The following TTC21B variants were observed in gnomAD, a reference collection of about 807,000 sequenced individuals.
TTC21B encodes tetratricopeptide repeat protein 21B.
A neutral mutation model predicts 175.1 loss-of-function variants in TTC21B; 127 were observed. The observed-to-expected ratio is 0.73, with a 90% CI of 0.63 to 0.84. The LOEUF (loss-of-function observed/expected upper bound fraction) is 0.84, where lower values mean the gene tolerates loss of function less well. TTC21B is among the 40% of genes least tolerant of loss of function. The pLI, the probability that TTC21B is intolerant of heterozygous loss-of-function variation, is 0.00. For missense variants in TTC21B, 1,561 were observed against 1,558.3 expected, an observed-to-expected ratio of 1.00 and a Z score of -0.03; for synonymous variants, 524 against 524.5, an observed-to-expected ratio of 1.00 and a Z score of 0.01.
intron 25 of TTC21B, 136 bp from the exon 26 acceptor site, chr2:165,884,154 C>G: frequency 1.3e-6 from 1 of 762,496 alleles, no homozygotes; most frequent in South Asian, 1.5e-5. Context: ...ACTGTGATTA[C>G]AGGTCATTAT....
At chr2:165,948,663 C>T (rs1005853416) in intron 3 of TTC21B, 1 of 152,182 alleles carries the variant, frequency 6.6e-6, no homozygotes, top group African/African-American at 2.4e-5. Flanking sequence ...AATTTGGATA[C>T]TCTTCTGCCT....
chr2:165,915,695 T>C (rs1188720510), intron 14 of TTC21B, among the ~76,000 whole-genome samples: 2 of 152,164 alleles, frequency 1.3e-5, no homozygotes, highest in Non-Finnish European at 2.9e-5. Flanking sequence ...AGAGGGTCAC[T>C]GCTACTATAT....
In TTC21B at chr2:165,911,326, C is replaced by G; in HGVS notation, c.2461+1G>C. The stretch of plus-strand genomic sequence containing the variant: ...TTTTCAAACCAGAAAGACTTTCATA[C>G]CAGGTTCATGAGCCAGAGCATGCTG... On this transcript the variant is annotated splice_donor_variant, in intron 18 of 28. Transcript: ENST00000243344. LOFTEE classifies it high-confidence loss of function. 1.9e-6 allele frequency: 3 copies of G among 1,613,736 alleles called. No homozygotes were observed. The highest frequency in any genetic ancestry group is 2.5e-6 in the Non-Finnish European group (3 of 1,179,836).
intron 7 of TTC21B, among the ~76,000 whole-genome samples, 177 bp from the exon 8 acceptor site, chr2:165,932,033 C>A (rs1161687256): frequency 1.3e-5 from 2 of 152,082 alleles, no homozygotes; most frequent in Non-Finnish European, 2.9e-5. Context: ...AAGATTCTAA[C>A]AAACTCAATA....
In TTC21B at chr2:165,949,641, A is replaced by T. The variant is rs750039189; in HGVS notation, c.105T>A (p.Ser35Arg). The change falls in exon 2 of 29, where the codon AGT (serine) becomes AGA (arginine). Residue 35 changes from serine to arginine, a missense_variant. Physicochemically the swap from Ser to Arg is moderately radical, Grantham distance 110. Transcript: ENST00000243344. Reference sequence around the variant, plus strand: ...CATGATAAAACCTGAAGACTGGATCACTTCCATACCTCTTAATTCCTTCAC... The same window carrying T: ...CATGATAAAACCTGAAGACTGGATCTCTTCCATACCTCTTAATTCCTTCAC... Reference protein sequence around the residue: ...VASEGIKRYGSDPVFRFYHAY... With the variant: ...VASEGIKRYGRDPVFRFYHAY... 3 of 1,613,652 alleles carry T rather than the reference A, an allele frequency of 1.9e-6. No homozygotes were observed. The highest frequency in any genetic ancestry group is 2.5e-6 in the Non-Finnish European group (3 of 1,179,860).
intron 1 of TTC21B, among the ~76,000 whole-genome samples, chr2:165,950,758 C>A (rs989400984): frequency 6.6e-6 from 1 of 152,164 alleles, no homozygotes; most frequent in African/African-American, 2.4e-5. Flanking sequence ...TAGGCACACC[C>A]CACCGCACCT....
At position 165,929,173 on chromosome 2, in the gene TTC21B, C is replaced by G. The variant is rs748120246; in HGVS notation, c.1348G>C (p.Glu450Gln). The G allele has an allele frequency of 1.9e-6, 3 of 1,612,814 alleles. No homozygotes were observed. Among genetic ancestry groups the G allele is most frequent in the Non-Finnish European group, 2.5e-6 (3 of 1,179,270 alleles). Reference sequence around the variant, plus strand: ...AAGCTCAGATACTCCATAACAATTTCTAACAAGAAATCAGGATTTAGCTTT... The same window carrying G: ...AAGCTCAGATACTCCATAACAATTTGTAACAAGAAATCAGGATTTAGCTTT... ...FEKLNPDFLL[E>Q]IVMEYLSFCP... Residue 450 changes from glutamate (E) to glutamine (Q), a missense_variant, in exon 11 of 29, where the codon GAA (glutamate) becomes CAA (glutamine). Glu to Gln is a conservative substitution (Grantham distance 29, BLOSUM62 2). Coordinates refer to ENST00000243344, the MANE Select transcript of TTC21B (RefSeq NM_024753.5).
chr2:165,888,563 T>G lies in TTC21B; in HGVS notation c.3264-89A>C, dbSNP rs1685085723. ...AATCAGCTTTTGTACACAAAAGCTCTGGGCACTCTTTTATACTCTTTTTGT... is the reference window on the plus strand; with the variant it reads ...AATCAGCTTTTGTACACAAAAGCTCGGGGCACTCTTTTATACTCTTTTTGT... On this transcript the variant is annotated intron_variant, in intron 24 of 28. Coordinates refer to ENST00000243344, the MANE Select transcript of TTC21B (RefSeq NM_024753.5). 21 of 1,000,344 alleles carry G rather than the reference T, an allele frequency of 2.1e-5. No individual in the cohort carries two copies. In the South Asian group the frequency reaches 2.8e-4, roughly 13 times the overall value. The allele number at this position is 1,000,344 out of a possible 1,614,324, so 62.0% of individuals were successfully genotyped here.
intron 8 of TTC21B, 123 bp from the exon 9 acceptor site, chr2:165,930,487 T>A (rs1686848192): frequency 4.7e-6 from 3 of 642,466 alleles, no homozygotes; most frequent in Non-Finnish European, 7.2e-6. Flanking sequence ...AAGAAAAAAA[T>A]TAATAATTAA....
At position 165,930,258 on chromosome 2, in the gene TTC21B, A is replaced by G; in HGVS notation, c.1001T>C (p.Met334Thr). 6.2e-7 allele frequency: 1 copy of G among 1,613,324 alleles called. No homozygotes were observed. The highest frequency in any genetic ancestry group is 8.5e-7 in the Non-Finnish European group (1 of 1,179,484). ...SEFATELGYQMILQGRVKEAL... is the reference protein window; with the variant it reads ...SEFATELGYQTILQGRVKEAL... ...CTCTTTAACTCTTCCTTGTAAAATC[A>G]TTTGGTATCCAAGTTCTGTAGCAAA... Residue 334 changes from methionine to threonine, a missense_variant, in exon 9 of 29, where the codon ATG becomes ACG. Transcript: ENST00000243344.
Position 165,873,982 on chromosome 2 carries a change from A to AAT in TTC21B, c.*771_*772dup, listed in dbSNP as rs1684589296. The AAT allele has an allele frequency of 6.6e-6, 1 of 151,832 alleles. No homozygotes were observed. 9.4% of individuals were successfully genotyped at this position (151,832 alleles called of 1,614,324 possible). A position where few individuals can be genotyped will look rare whatever the true frequency, so the allele number is the denominator to read the frequency against. The stretch of plus-strand genomic sequence containing the variant: ...AACCTTTATTAAAATATATATTTAA[A>AAT]ATATATATATTGTCTTTTTCATGAG... On this transcript the variant is annotated 3_prime_UTR_variant, in exon 29 of 29. Coordinates refer to ENST00000243344, the MANE Select transcript of TTC21B (RefSeq NM_024753.5).
intron 10 of TTC21B, 150 bp downstream of exon 10, chr2:165,929,498 TTA>T: frequency 1.1e-6 from 1 of 904,378 alleles, no homozygotes; most frequent in Non-Finnish European, 1.7e-6. Flanking sequence ...AGAATAAAGT[TTA>T]GTTTTGAATG....
intron 11 of TTC21B, among the ~76,000 whole-genome samples, chr2:165,927,354 ATTT>A (rs1257247257): frequency 7.7e-4 from 71 of 92,150 alleles, no homozygotes; most frequent in African/African-American, 2.6e-3. Flanking sequence ...TATATAATAT[ATTT>A]TATATATATA....
chr2:165,885,913 T>G (rs1280948147), intron 25 of TTC21B, among the ~76,000 whole-genome samples: 1 of 152,224 alleles, frequency 6.6e-6, no homozygotes, highest in East Asian at 1.9e-4. Context: ...AAGACTTGGA[T>G]GTGGACAATA....
chr2:165,895,500 A>T (rs1685332638), intron 22 of TTC21B, among the ~76,000 whole-genome samples: 1 of 152,234 alleles, frequency 6.6e-6, no homozygotes, highest in Non-Finnish European at 1.5e-5. Flanking sequence ...CTGTTTTTTA[A>T]AGAAATAAAG....
chr2:165,950,070 T>A (rs1200569745), intron 1 of TTC21B, among the ~76,000 whole-genome samples: 14 of 128,856 alleles, frequency 1.1e-4, no homozygotes, highest in South Asian at 2.5e-4. Context: ...AAACAGGAAC[T>A]AAAAAAAAAA....
chr2:165,887,812 A>G (rs551082101), intron 25 of TTC21B, among the ~76,000 whole-genome samples: 9 of 152,332 alleles, frequency 5.9e-5, no homozygotes, highest in African/African-American at 2.2e-4. Flanking sequence ...CAGTGTTGCT[A>G]AAGAATATCA....
intron 24 of TTC21B, among the ~76,000 whole-genome samples, chr2:165,889,264 T>A (rs987690215): frequency 6.6e-6 from 1 of 152,182 alleles, no homozygotes; most frequent in Non-Finnish European, 1.5e-5. Flanking sequence ...CACTTCAAAG[T>A]TCTTCTCCCT....
chr2:165,912,840 A>G (rs986934443), intron 16 of TTC21B, among the ~76,000 whole-genome samples: 1 of 152,224 alleles, frequency 6.6e-6, no homozygotes, highest in Non-Finnish European at 1.5e-5. Context: ...ACCCATATTA[A>G]CTGTGCTCTT....
Sources: allele counts gnomAD v4.1 joint callset (sites outside exome capture counted in the v4.1 genomes callset), GRCh38; gene constraint gnomAD v4.1.1; transcripts MANE v1.5; gene names NCBI Gene and HGNC (gene_info 2026-07-23, HGNC 2026-07-21).